Variants in REDIC1 observed in about 807,000 individuals in gnomAD.
The protein encoded by REDIC1 is regulator of DNA class I crossover intermediates 1.
At chr12:39,900,808 T>G in the REDIC1 span, among the ~76,000 whole-genome samples, 16 of 152,204 alleles carry the variant, frequency 1.1e-4, no homozygotes, top group Admixed American at 8.5e-4. Flanking sequence ...AGGCTACCAA[T>G]GACTTTCTTC....
At chr12:39,640,849 T>C in the REDIC1 span, 1 of 726,778 alleles carries the variant, frequency 1.4e-6, no homozygotes, top group Non-Finnish European at 2.3e-6. Context: ...GCAATGATAC[T>C]ACACTTTTAG....
the REDIC1 span, among the ~76,000 whole-genome samples, chr12:39,670,912 GAATT>G: frequency 5.9e-5 from 9 of 151,654 alleles, no homozygotes; most frequent in Admixed American, 5.9e-4. Context: ...CTCTCTTTGT[GAATT>G]TCTCATTTAT....
At chr12:39,677,817 TTAAA>T in the REDIC1 span, among the ~76,000 whole-genome samples, 1 of 152,070 alleles carries the variant, frequency 6.6e-6, no homozygotes, top group Non-Finnish European at 1.5e-5. Flanking sequence ...TACATGGAAA[TTAAA>T]TAATCTGCTC....
the REDIC1 span, among the ~76,000 whole-genome samples, chr12:39,855,596 G>C: frequency 6.6e-6 from 1 of 152,082 alleles, no homozygotes; most frequent in African/African-American, 2.4e-5. Flanking sequence ...TTGTTTGTTT[G>C]TTTTTAAATC....
the REDIC1 span, among the ~76,000 whole-genome samples, chr12:39,644,817 A>G: frequency 5.9e-5 from 9 of 151,958 alleles, no homozygotes; most frequent in Non-Finnish European, 1.5e-5. Context: ...CAATAACAAA[A>G]GACAGATTAA....
the REDIC1 span, chr12:39,872,017 T>C: frequency 2.1e-6 from 3 of 1,399,348 alleles, no homozygotes; most frequent in Middle Eastern, 1.9e-4. Flanking sequence ...GAAACAGGGT[T>C]ATTTTGATAG....
the REDIC1 span, among the ~76,000 whole-genome samples, chr12:39,657,149 C>G: frequency 6.6e-6 from 1 of 152,166 alleles, no homozygotes; most frequent in East Asian, 1.9e-4. Context: ...TGCTACGTGT[C>G]CTTTGCAGAT....
At chr12:39,777,505 C>A in the REDIC1 span, among the ~76,000 whole-genome samples, 1 of 152,116 alleles carries the variant, frequency 6.6e-6, no homozygotes, top group African/African-American at 2.4e-5. Flanking sequence ...AGGGCTCCAC[C>A]CAGGGCCCGG....
chr12:39,761,964 A>G, the REDIC1 span, among the ~76,000 whole-genome samples: 9 of 152,128 alleles, frequency 5.9e-5, no homozygotes, highest in Non-Finnish European at 1.3e-4. Flanking sequence ...TATAGTTAAA[A>G]AACATTTGTT....
At chr12:39,716,989 G>A in the REDIC1 span, 1 of 448,162 alleles carries the variant, frequency 2.2e-6, no homozygotes, top group Non-Finnish European at 3.6e-6. Flanking sequence ...ATTTTAAAAA[G>A]TACATTTAAA....
At chr12:39,889,671 T>C in the REDIC1 span, among the ~76,000 whole-genome samples, 86 of 151,608 alleles carry the variant, frequency 5.7e-4, no homozygotes, top group East Asian at 3.5e-3. Flanking sequence ...TAGCTGGGAC[T>C]ACAGGTGCCC....
At chr12:39,684,977 C>A in the REDIC1 span, 5 of 1,283,560 alleles carry the variant, frequency 3.9e-6, no homozygotes, top group Non-Finnish European at 5.6e-6. Flanking sequence ...TTTGTATTAC[C>A]ATATCACATT....
chr12:39,831,376 C>T, the REDIC1 span, among the ~76,000 whole-genome samples: 2 of 152,040 alleles, frequency 1.3e-5, no homozygotes, highest in African/African-American at 4.8e-5. Flanking sequence ...AAAGATCAGT[C>T]AGCACAGACT....
At chr12:39,905,283 T>G in the REDIC1 span, among the ~76,000 whole-genome samples, 1 of 152,276 alleles carries the variant, frequency 6.6e-6, no homozygotes, top group Non-Finnish European at 1.5e-5. Flanking sequence ...TCTGTCTTGC[T>G]GCTCTGGCTG....
At chr12:39,771,634 A>G in the REDIC1 span, among the ~76,000 whole-genome samples, 1 of 152,126 alleles carries the variant, frequency 6.6e-6, no homozygotes. Flanking sequence ...TTCCTGACCC[A>G]CAGGAAGTGC....
At chr12:39,810,726 A>G in the REDIC1 span, among the ~76,000 whole-genome samples, 1 of 152,134 alleles carries the variant, frequency 6.6e-6, no homozygotes, top group Non-Finnish European at 1.5e-5. Flanking sequence ...ATGTATTAAG[A>G]TGATCATATG....
chr12:39,783,315 G>A, the REDIC1 span, among the ~76,000 whole-genome samples: 3 of 152,160 alleles, frequency 2.0e-5, no homozygotes, highest in African/African-American at 4.8e-5. Flanking sequence ...ATTGTGAATA[G>A]TGCCGCAATA....
the REDIC1 span, among the ~76,000 whole-genome samples, chr12:39,666,478 T>C: frequency 6.6e-6 from 1 of 152,226 alleles, no homozygotes; most frequent in African/African-American, 2.4e-5. Context: ...CAGTATTTTA[T>C]TGAGGACTTT....
the REDIC1 span, among the ~76,000 whole-genome samples, chr12:39,632,068 A>C: frequency 7.2e-6 from 1 of 139,358 alleles, no homozygotes; most frequent in South Asian, 2.4e-4. Flanking sequence ...TATATATATA[A>C]TGTTAACTTG....
Sources: gnomAD v4.1 joint callset for allele counts (sites outside exome capture counted in the v4.1 genomes callset) on GRCh38, gnomAD v4.1.1 for gene constraint, MANE v1.5 for transcripts, NCBI Gene and HGNC (gene_info 2026-07-23, HGNC 2026-07-21) for gene names.